MRPL23: variants seen among roughly 807,000 people sequenced by gnomAD.
MRPL23 encodes large ribosomal subunit protein uL23m.
For missense variants in MRPL23, 25 were observed against 81.3 expected (o/e 0.31, Z 2.66); for synonymous variants, 12 against 34.8 (o/e 0.35, Z 2.30).
the MRPL23 span, chr11:1,991,937 G>C: frequency 8.9e-6 from 1 of 112,616 alleles, no homozygotes; most frequent in Non-Finnish European, 2.0e-5. Flanking sequence ...TTCCTTCGTA[G>C]AGTTGGGATT....
intron 4 of MRPL23, among the ~76,000 whole-genome samples, chr11:1,971,289 G>T (rs1371084292): frequency 1.9e-5 from 2 of 108,044 alleles, no homozygotes; most frequent in Non-Finnish European, 4.6e-5. Context: ...CCACACAGAG[G>T]GCCCCCCAGT....
At chr11:1,983,520 C>T (rs1194116180) in intron 5 of MRPL23, 5 of 97,594 alleles carry the variant, frequency 5.1e-5, no homozygotes, top group Non-Finnish European at 1.1e-4. Context: ...CCGTCCCTGG[C>T]TCGACCCTGT....
At position 1,950,629 on chromosome 11, in the gene MRPL23, C is replaced by A. The variant is rs478901; in HGVS notation, c.18-270C>A. 1.9e-4 allele frequency among the ~76,000 whole-genome samples: 5 copies of A among 25,926 alleles called. 1 individual carries two copies. Among genetic ancestry groups the A allele is most frequent in the East Asian group, 1.7e-3 (1 of 572 alleles). The allele number at this position is 25,926 out of a possible 152,430, so 17.0% of individuals were successfully genotyped here. A position where few individuals can be genotyped will look rare whatever the true frequency, so the allele number is the denominator to read the frequency against. On this transcript the variant is annotated intron_variant, in intron 1 of 4. Coordinates refer to ENST00000397298, the MANE Select transcript of MRPL23 (RefSeq NM_021134.4). ...TTAGCTACCCTGTTTCCCGCCCACC[C>A]CTGTTGTGAGTGGACACGCGGGGGT... is the stretch of plus-strand genomic sequence containing the variant.
downstream of MRPL23, among the ~76,000 whole-genome samples, chr11:1,988,877 G>A (rs1015119868): frequency 6.8e-6 from 1 of 145,988 alleles, no homozygotes; most frequent in Non-Finnish European, 1.5e-5. Flanking sequence ...CAGGGCGGGG[G>A]CGGCCAAGCC....
chr11:1,959,314 C>T (rs373948183), downstream of MRPL23, among the ~76,000 whole-genome samples: 8 of 75,142 alleles, frequency 1.1e-4, 1 homozygote, highest in East Asian at 2.5e-3. Context: ...AAGAGCCCTG[C>T]GTGCCGCACC....
chr11:1,959,968 G>A (rs923780409), downstream of MRPL23, among the ~76,000 whole-genome samples: 2 of 131,336 alleles, frequency 1.5e-5, no homozygotes, highest in African/African-American at 2.6e-5. Context: ...GCGCTGCTCC[G>A]TGTCCCCATT....
intron 5 of MRPL23, among the ~76,000 whole-genome samples, chr11:1,979,670 TG>T (rs1856720267): frequency 9.4e-6 from 1 of 106,836 alleles, no homozygotes; most frequent in Admixed American, 9.4e-5. Context: ...GGGGCTGTGG[TG>T]GGGGCCCTGG....
chr11:1,991,780 G>A, the MRPL23 span, among the ~76,000 whole-genome samples: 181 of 127,770 alleles, frequency 1.4e-3, 4 homozygotes, highest in African/African-American at 4.6e-3. Flanking sequence ...TCTCTAGAGA[G>A]GAGGAAATCA....
At chr11:1,954,390 T>C (rs115006170) in intron 4 of MRPL23, among the ~76,000 whole-genome samples, 12 of 31,546 alleles carry the variant, frequency 3.8e-4, no homozygotes, top group African/African-American at 7.9e-4. Context: ...TCGTGTCTGC[T>C]GAGACCTTGC....
At chr11:1,948,594 A>T in intron 1 of MRPL23, among the ~76,000 whole-genome samples, 6 of 65,932 alleles carry the variant, frequency 9.1e-5, no homozygotes, top group South Asian at 2.1e-3. Flanking sequence ...GGGTGCCGAG[A>T]GGGTGGGATC....
intron 4 of MRPL23, among the ~76,000 whole-genome samples, chr11:1,971,075 C>T (rs906620949): frequency 4.8e-5 from 7 of 144,942 alleles, no homozygotes; most frequent in East Asian, 2.0e-4. Context: ...GTCCACCACT[C>T]GTCCCTGTCC....
rs373228376 is a variant in MRPL23 at position 1,956,331 on chromosome 11, G to A, written c.373G>A (p.Asp125Asn). Residue 125 changes from aspartate (D) to asparagine (N), a missense_variant, in exon 5 of 5, where the codon GAC becomes AAC. By Grantham distance (23) the Asp-to-Asn change is conservative (BLOSUM62 1). Coordinates refer to ENST00000397298, the MANE Select transcript of MRPL23 (RefSeq NM_021134.4). ...DESPEGSAADDLYSMLEEERQ... is the reference protein window; with the variant it reads ...DESPEGSAADNLYSMLEEERQ... ...GAGCCCTGAAGGCAGCGCTGCCGAC[G>A]ACCTCTACAGCATGCTCGAGGAGGA... 1.5e-5 allele frequency: 24 copies of A among 1,554,468 alleles called. 3 individuals carry two copies. The East Asian group carries it at 3.2e-4, about 21-fold the overall frequency.
chr11:1,983,657 G>A lies in MRPL23; in HGVS notation c.498-781G>A, dbSNP rs930861595. On this transcript the variant is annotated intron_variant, in intron 5 of 5. Transcript: ENST00000397297. ...AGGCCTCATGTGGGCACCACCCCTCGTTTACGGGCTCTGGGAGCGGGTGGG... is the reference window on the plus strand; with the variant it reads ...AGGCCTCATGTGGGCACCACCCCTCATTTACGGGCTCTGGGAGCGGGTGGG... 18 of 141,530 alleles carry A rather than the reference G, an allele frequency of 1.3e-4. 1 individual carries two copies. Among genetic ancestry groups the A allele is most frequent in the African/African-American group, 4.6e-4 (18 of 39,132 alleles). The allele number at this position is 141,530 out of a possible 1,614,324, so 8.8% of individuals were successfully genotyped here. A position where few individuals can be genotyped will look rare whatever the true frequency, so the allele number is the denominator to read the frequency against.
chr11:1,993,282 G>A, the MRPL23 span: 8 of 93,366 alleles, frequency 8.6e-5, 1 homozygote, highest in Non-Finnish European at 1.4e-4. Flanking sequence ...CAGAGCAAGC[G>A]TGTCATTCAT....
At chr11:1,991,630 T>C in the MRPL23 span, among the ~76,000 whole-genome samples, 198 of 137,566 alleles carry the variant, frequency 1.4e-3, 10 homozygotes, top group African/African-American at 4.8e-3. Context: ...GCTGGGCCAC[T>C]GGGGGAGACC....
At chr11:1,991,736 G>A in the MRPL23 span, among the ~76,000 whole-genome samples, 1,169 of 122,970 alleles carry the variant, frequency 9.5e-3, 27 homozygotes, top group African/African-American at 0.03. Flanking sequence ...GACCCACTGC[G>A]CCCTTGGCTC....
At chr11:1,958,109 C>G (rs74049872), downstream of MRPL23, among the ~76,000 whole-genome samples, 2,067 of 140,096 alleles carry the variant, frequency 0.015, 162 homozygotes, top group African/African-American at 0.05. Flanking sequence ...CCTCCCCATG[C>G]GAATGCTCAG....
At chr11:1,954,709 AATGAAGGGCGCACGAC>A (rs1157323967) in intron 4 of MRPL23, among the ~76,000 whole-genome samples, 2 of 47,428 alleles carry the variant, frequency 4.2e-5, no homozygotes, top group African/African-American at 9.0e-5. Context: ...GGCGCGCAGG[AATGAAGGGCGCACGAC>A]ATGAGAGGCA....
the MRPL23 span, among the ~76,000 whole-genome samples, chr11:1,991,599 C>G: frequency 7.3e-6 from 1 of 137,358 alleles, no homozygotes; most frequent in African/African-American, 2.5e-5. Context: ...CCCGTGCACA[C>G]CCATCTGAAA....
Sources: allele counts gnomAD v4.1 joint callset (sites outside exome capture counted in the v4.1 genomes callset), GRCh38; gene constraint gnomAD v4.1.1; transcripts MANE v1.5; gene names NCBI Gene and HGNC (gene_info 2026-07-23, HGNC 2026-07-21).